Variants in CLEC16A observed in about 807,000 individuals in gnomAD.
The protein encoded by CLEC16A is protein CLEC16A.
A neutral mutation model predicts 109.5 loss-of-function variants in CLEC16A; 51 were observed. That is an observed-to-expected ratio of 0.47 (90% CI 0.37 to 0.59). CLEC16A has a LOEUF of 0.59. Ranked by LOEUF, CLEC16A falls within the 20% of genes least tolerant of loss-of-function variation. The pLI is 0.00. For synonymous variants in CLEC16A, 673 were observed against 564.2 expected, an observed-to-expected ratio of 1.19 and a Z score of -2.73; for missense variants, 1,339 against 1,394.0, an observed-to-expected ratio of 0.96 and a Z score of 0.63.
At chr16:11,008,540 C>G (rs1336598636) in intron 11 of CLEC16A, among the ~76,000 whole-genome samples, 1 of 152,044 alleles carries the variant, frequency 6.6e-6, no homozygotes, top group Non-Finnish European at 1.5e-5. Context: ...TCTCCTGGCC[C>G]ACACCAGTGC....
intron 10 of CLEC16A, among the ~76,000 whole-genome samples, chr16:11,001,512 A>G (rs1330058757): frequency 6.6e-6 from 1 of 152,134 alleles, no homozygotes; most frequent in Non-Finnish European, 1.5e-5. Context: ...TCTGACTCCA[A>G]CTCAGTAGCT....
At chr16:11,162,749 A>T (rs567419961) in intron 22 of CLEC16A, among the ~76,000 whole-genome samples, 14 of 152,166 alleles carry the variant, frequency 9.2e-5, no homozygotes, top group Non-Finnish European at 2.1e-4. Context: ...AGGGATTAGA[A>T]TTCACTTAGC....
At chr16:10,970,768 A>G (rs1201414029) in intron 4 of CLEC16A, among the ~76,000 whole-genome samples, 1 of 152,078 alleles carries the variant, frequency 6.6e-6, no homozygotes, top group Non-Finnish European at 1.5e-5. Context: ...TTGTTTTGAG[A>G]CAGGGTCTTG....
chr16:10,999,399 G>A (rs368064209), intron 10 of CLEC16A, among the ~76,000 whole-genome samples: 3 of 152,054 alleles, frequency 2.0e-5, no homozygotes, highest in African/African-American at 4.8e-5. Context: ...AGGAAAAGTC[G>A]CATTTACACC....
In CLEC16A at chr16:11,121,674, G is replaced by A. The variant is rs534028097; in HGVS notation, c.2268+908G>A. ...TCAGGTGGATCACTTGAGGTCAGGAGTTCGAGACCAGCCTGGCCAACATGG... is the reference window on the plus strand; with the variant it reads ...TCAGGTGGATCACTTGAGGTCAGGAATTCGAGACCAGCCTGGCCAACATGG... On this transcript the variant is annotated intron_variant, in intron 20 of 23. Transcript: ENST00000409790. Among the ~76,000 whole-genome samples, 17 of 151,824 alleles carry A rather than the reference G, an allele frequency of 1.1e-4. No individual in the cohort carries two copies. In the South Asian group the frequency reaches 2.7e-3, roughly 24 times the overall value.
At chr16:11,059,666 A>G (rs1296843555) in intron 18 of CLEC16A, among the ~76,000 whole-genome samples, 3 of 151,440 alleles carry the variant, frequency 2.0e-5, no homozygotes, top group Non-Finnish European at 2.9e-5. Context: ...GCCATAAACA[A>G]GAAGACCCAA....
At chr16:11,133,645 T>A (rs1398093210) in intron 22 of CLEC16A, among the ~76,000 whole-genome samples, 1 of 152,166 alleles carries the variant, frequency 6.6e-6, no homozygotes, top group Non-Finnish European at 1.5e-5. Context: ...AGTTCAGACC[T>A]CCCCTGAGAA....
intron 11 of CLEC16A, among the ~76,000 whole-genome samples, chr16:11,017,999 TAA>T (rs34526192): frequency 0.1 from 14,355 of 138,700 alleles, 1,607 homozygotes; most frequent in African/African-American, 0.29. Flanking sequence ...AAAGAGGTAT[TAA>T]AAAAAAAAAA....
At position 10,944,716 on chromosome 16, in the gene CLEC16A, A is replaced by G; in HGVS notation, c.-2A>G. 1 of 1,605,234 alleles carries G rather than the reference A, an allele frequency of 6.2e-7. No homozygotes were observed. Among genetic ancestry groups the G allele is most frequent in the Non-Finnish European group, 8.5e-7 (1 of 1,176,768 alleles). ...GACGAGAGACGGGTCGGGGCCGCCG[A>G]CATGTTTGGCCGCTCGCGGAGCTGG... On this transcript the variant is annotated 5_prime_UTR_variant, in exon 1 of 24. Transcript: ENST00000409790.
intron 13 of CLEC16A, among the ~76,000 whole-genome samples, chr16:11,030,059 T>C (rs1327610396): frequency 3.3e-5 from 5 of 152,260 alleles, no homozygotes; most frequent in Non-Finnish European, 5.9e-5. Flanking sequence ...TGTGTATCTG[T>C]AGTTCATTTC....
intron 22 of CLEC16A, among the ~76,000 whole-genome samples, chr16:11,142,723 T>C (rs2053892944): frequency 6.6e-6 from 1 of 152,240 alleles, no homozygotes. Context: ...GTTTGGGACT[T>C]CTTTAGCTTA....
intron 19 of CLEC16A, among the ~76,000 whole-genome samples, chr16:11,067,150 G>C (rs2048805227): frequency 7.7e-6 from 1 of 130,084 alleles, no homozygotes; most frequent in African/African-American, 2.9e-5. Flanking sequence ...TGTTGTTGTT[G>C]TGGGGGTTTT....
chr16:10,955,054 A>G (rs1226187806), intron 1 of CLEC16A, among the ~76,000 whole-genome samples: 1 of 152,144 alleles, frequency 6.6e-6, no homozygotes, highest in East Asian at 1.9e-4. Flanking sequence ...GACTGTTCCC[A>G]CCACTGTGTA....
chr16:11,149,001 C>CAAGTTCAATATGAT (rs2054185386), intron 22 of CLEC16A, among the ~76,000 whole-genome samples: 1 of 152,060 alleles, frequency 6.6e-6, no homozygotes, highest in Admixed American at 6.6e-5. Context: ...GAAAGGGATA[C>CAAGTTCAATATGAT]AAGTTCAATA....
intron 19 of CLEC16A, among the ~76,000 whole-genome samples, chr16:11,118,785 C>T (rs984548415): frequency 2.6e-5 from 4 of 152,132 alleles, no homozygotes; most frequent in African/African-American, 4.8e-5. Flanking sequence ...ACATTTAAGT[C>T]TTTAATCTAT....
At chr16:10,988,948 C>T (rs967497313) in intron 10 of CLEC16A, among the ~76,000 whole-genome samples, 1 of 152,184 alleles carries the variant, frequency 6.6e-6, no homozygotes, top group Non-Finnish European at 1.5e-5. Flanking sequence ...TACCTGGGAC[C>T]TTCTTCCCTG....
intron 3 of CLEC16A, among the ~76,000 whole-genome samples, chr16:10,965,891 C>T (rs1325566909): frequency 6.6e-6 from 1 of 152,172 alleles, no homozygotes. Context: ...GTCGCTGTTC[C>T]AGCTCCAGGG....
chr16:11,069,557 C>T (rs577593438), intron 19 of CLEC16A, among the ~76,000 whole-genome samples: 11 of 152,118 alleles, frequency 7.2e-5, no homozygotes, highest in Non-Finnish European at 1.5e-4. Flanking sequence ...GCTGCCTCAG[C>T]CTCCTGAGTA....
chr16:11,149,786 TA>T (rs34754184), intron 22 of CLEC16A: 96,832 of 146,942 alleles, frequency 0.66, 31,995 homozygotes, highest in South Asian at 0.75. Flanking sequence ...GAGACTGTCT[TA>T]AAAAAAAAAA....
Sources: allele counts gnomAD v4.1 joint callset (sites outside exome capture counted in the v4.1 genomes callset), GRCh38; gene constraint gnomAD v4.1.1; transcripts MANE v1.5; gene names NCBI Gene and HGNC (gene_info 2026-07-23, HGNC 2026-07-21).